IL1RAPL1: variants seen among roughly 807,000 people sequenced by gnomAD.
IL1RAPL1 encodes interleukin-1 receptor accessory protein-like 1.
In IL1RAPL1, 3 loss-of-function variants were observed where a neutral mutation model predicts 48.4. The ratio of observed to expected loss-of-function variants is 0.06; its 90% confidence interval spans 0.03 to 0.16. IL1RAPL1 has a LOEUF of 0.16. Ranked by LOEUF, IL1RAPL1 falls within the 10% of genes least tolerant of loss-of-function variation. IL1RAPL1 has a pLI of 1.00. For synonymous variants in IL1RAPL1, 185 were observed against 187.7 expected (o/e 0.99, Z 0.12); for missense variants, 349 against 530.6 (o/e 0.66, Z 3.36).
intron 5 of IL1RAPL1, among the ~76,000 whole-genome samples, chrX:29,413,914 C>T (rs1934180973): frequency 9.1e-6 from 1 of 110,035 alleles, no homozygotes; most frequent in Non-Finnish European, 1.9e-5. Flanking sequence ...TGCATACATA[C>T]GTATGTATGT....
At chrX:29,053,267 C>G (rs1178723121) in intron 2 of IL1RAPL1, among the ~76,000 whole-genome samples, 1 of 111,927 alleles carries the variant, frequency 8.9e-6, no homozygotes, top group South Asian at 3.7e-4. Context: ...TTTTATTTAT[C>G]CAGTCTACCA....
intron 6 of IL1RAPL1, among the ~76,000 whole-genome samples, chrX:29,871,592 A>T (rs1024938556): frequency 1.2e-4 from 14 of 112,515 alleles, no homozygotes; most frequent in African/African-American, 4.5e-4. Flanking sequence ...ATTCCTATTT[A>T]GCCCATCTAG....
At chrX:29,890,570 T>A (rs1304775308) in intron 6 of IL1RAPL1, among the ~76,000 whole-genome samples, 2 of 112,284 alleles carry the variant, frequency 1.8e-5, no homozygotes, top group African/African-American at 3.2e-5. Context: ...ATGATTTGAT[T>A]TTAATTATGC....
chrX:28,651,071 T>C (rs968136887), intron 1 of IL1RAPL1, among the ~76,000 whole-genome samples: 2 of 112,146 alleles, frequency 1.8e-5, no homozygotes, highest in Non-Finnish European at 3.8e-5. Context: ...CACACAATTA[T>C]TAAAAATACT....
chrX:29,235,380 T>A (rs1018225891), intron 2 of IL1RAPL1, among the ~76,000 whole-genome samples: 2 of 111,851 alleles, frequency 1.8e-5, no homozygotes, highest in Non-Finnish European at 3.8e-5. Flanking sequence ...GTTGAGACAA[T>A]CTGTACTGAC....
intron 6 of IL1RAPL1, among the ~76,000 whole-genome samples, chrX:29,862,875 CT>C (rs1188594780): frequency 1.9e-5 from 2 of 104,556 alleles, no homozygotes; most frequent in Non-Finnish European, 3.9e-5. Flanking sequence ...AAAACTGATT[CT>C]AGAAGCTTAG....
At chrX:28,725,581 C>G (rs1406171422) in intron 1 of IL1RAPL1, among the ~76,000 whole-genome samples, 1 of 111,867 alleles carries the variant, frequency 8.9e-6, no homozygotes, top group Non-Finnish European at 1.9e-5. Flanking sequence ...TTCACCAACC[C>G]AGAAGTTCTT....
intron 5 of IL1RAPL1, among the ~76,000 whole-genome samples, chrX:29,630,055 C>T (rs1602335150): frequency 8.9e-6 from 1 of 112,212 alleles, no homozygotes. Flanking sequence ...CTGTAAACAA[C>T]AGAAACTTCT....
At chrX:28,760,489 T>C (rs1024116858) in intron 1 of IL1RAPL1, among the ~76,000 whole-genome samples, 3 of 112,125 alleles carry the variant, frequency 2.7e-5, no homozygotes, top group African/African-American at 9.7e-5. Context: ...AAAGTGACTA[T>C]TCTTTCATCA....
intron 1 of IL1RAPL1, among the ~76,000 whole-genome samples, chrX:28,589,585 C>A (rs1162829321): frequency 9.0e-6 from 1 of 111,469 alleles, no homozygotes; most frequent in South Asian, 3.8e-4. Context: ...TGATTCCAGC[C>A]AAGGTCATAG....
chrX:29,318,718 A>G lies in IL1RAPL1; in HGVS notation c.362+35501A>G, dbSNP rs141343621. Among the ~76,000 whole-genome samples, 3 of 112,624 alleles carry G rather than the reference A, an allele frequency of 2.7e-5. No homozygotes were observed. The Admixed American group carries it at 2.8e-4, about 11-fold the overall frequency. On this transcript the variant is annotated intron_variant, in intron 3 of 10. Coordinates refer to ENST00000378993, the MANE Select transcript of IL1RAPL1 (RefSeq NM_014271.4). ...GGTACATGTTGGAAATGTCATTTCA[A>G]TCAGGGCTAATCATAATATGACAGG...
At chrX:28,986,130 AC>A (rs893169039) in intron 2 of IL1RAPL1, among the ~76,000 whole-genome samples, 3 of 111,805 alleles carry the variant, frequency 2.7e-5, no homozygotes, top group African/African-American at 9.7e-5. Context: ...ATGGTGGGCT[AC>A]ATGAGGAAGA....
intron 3 of IL1RAPL1, among the ~76,000 whole-genome samples, chrX:29,368,269 A>G (rs1303003252): frequency 4.4e-5 from 5 of 112,568 alleles, no homozygotes; most frequent in African/African-American, 1.6e-4. Flanking sequence ...ATTTTTTTAT[A>G]TATTTTATGT....
chrX:28,943,576 C>A (rs764712350), intron 2 of IL1RAPL1, among the ~76,000 whole-genome samples: 1 of 109,077 alleles, frequency 9.2e-6, no homozygotes, highest in South Asian at 3.9e-4. Flanking sequence ...ATTTCCCCAG[C>A]CCCTAAATAG....
chrX:29,236,944 T>C lies in IL1RAPL1; in HGVS notation c.83-45994T>C, dbSNP rs145368214. On this transcript the variant is annotated intron_variant, in intron 2 of 10. Coordinates refer to ENST00000378993, the MANE Select transcript of IL1RAPL1 (RefSeq NM_014271.4). ...TACCTTATATATCCCATATTAGTAA[T>C]GAGGACATCTGTGTTGCACTGGTAT... 4.5e-3 allele frequency among the ~76,000 whole-genome samples: 495 copies of C among 110,136 alleles called. 1 individual carries two copies. The highest frequency in any genetic ancestry group is 0.016 in the African/African-American group (471 of 30,182).
chrX:28,714,216 G>T (rs914531955), intron 1 of IL1RAPL1, among the ~76,000 whole-genome samples: 1 of 111,690 alleles, frequency 9.0e-6, no homozygotes, highest in African/African-American at 3.3e-5. Flanking sequence ...TTTAAAACCT[G>T]TCTCATTTTT....
intron 9 of IL1RAPL1, among the ~76,000 whole-genome samples, chrX:29,954,202 C>T (rs1232981189): frequency 1.1e-5 from 1 of 88,333 alleles, no homozygotes; most frequent in Non-Finnish European, 2.1e-5. Context: ...CGCCACTGCA[C>T]TCCAGCCTGG....
chrX:29,180,012 G>A (rs988466208), intron 2 of IL1RAPL1, among the ~76,000 whole-genome samples: 1 of 98,868 alleles, frequency 1.0e-5, no homozygotes, highest in Non-Finnish European at 2.1e-5. Flanking sequence ...CCAGAAGAAG[G>A]TTTCATAATC....
At chrX:28,766,409 G>A (rs1338422315) in intron 1 of IL1RAPL1, among the ~76,000 whole-genome samples, 2 of 110,335 alleles carry the variant, frequency 1.8e-5, no homozygotes, top group Non-Finnish European at 3.8e-5. Flanking sequence ...TTTAGTTTTT[G>A]TGGGTACCTG....
Sources: allele counts gnomAD v4.1 joint callset (sites outside exome capture counted in the v4.1 genomes callset), GRCh38; gene constraint gnomAD v4.1.1; transcripts MANE v1.5; gene names NCBI Gene and HGNC (gene_info 2026-07-23, HGNC 2026-07-21).